CEP97: variants seen among roughly 807,000 people sequenced by gnomAD.
The protein encoded by CEP97 is centrosomal protein 97.
Under a neutral mutation model 73.1 loss-of-function variants are expected in CEP97, and 43 were observed. The observed-to-expected ratio is 0.59, with a 90% CI of 0.46 to 0.76. CEP97 has a LOEUF of 0.76. Ranked by LOEUF, CEP97 falls within the 30% of genes least tolerant of loss-of-function variation. The probability of loss-of-function intolerance (pLI) is 0.00; values close to 1 mark genes in which losing one functional copy is unlikely to be tolerated. For missense variants in CEP97, 939 were observed against 1,014.0 expected, an observed-to-expected ratio of 0.93 and a Z score of 1.00; for synonymous variants, 337 against 370.0, an observed-to-expected ratio of 0.91 and a Z score of 1.02.
intron 3 of CEP97, 50 bp downstream of exon 3, chr3:101,727,591 C>T: frequency 1.3e-6 from 2 of 1,508,828 alleles, no homozygotes; most frequent in Non-Finnish European, 1.8e-6. Flanking sequence ...AAAAAAAATT[C>T]AAGCAATGTA....
intron 7 of CEP97, among the ~76,000 whole-genome samples, chr3:101,756,861 TC>T (rs1376803649): frequency 6.6e-6 from 1 of 152,196 alleles, no homozygotes; most frequent in Non-Finnish European, 1.5e-5. Flanking sequence ...CATAGTAGGG[TC>T]TGTCTTTGCA....
chr3:101,747,181 A>G (rs1465849403), intron 6 of CEP97, among the ~76,000 whole-genome samples: 3 of 151,768 alleles, frequency 2.0e-5, no homozygotes, highest in Non-Finnish European at 2.9e-5. Context: ...ATTACTGGGT[A>G]TATACCCAAA....
intron 6 of CEP97, among the ~76,000 whole-genome samples, chr3:101,748,146 A>T (rs1938682867): frequency 6.7e-6 from 1 of 150,348 alleles, no homozygotes; most frequent in Non-Finnish European, 1.5e-5. Flanking sequence ...AAAAAAAAAA[A>T]AAAAAAAAGA....
chr3:101,761,365 A>G (rs1014844618), intron 9 of CEP97, among the ~76,000 whole-genome samples: 3 of 152,174 alleles, frequency 2.0e-5, no homozygotes, highest in Non-Finnish European at 4.4e-5. Flanking sequence ...AGACTATGAG[A>G]ATGGGTGACT....
chr3:101,767,578 CTTTT>C lies in CEP97; in HGVS notation c.*2030_*2033del, dbSNP rs1286608319. The C allele has an allele frequency of 6.6e-6, 1 of 152,136 alleles. No individual in the cohort carries two copies. Among genetic ancestry groups the C allele is most frequent in the Non-Finnish European group, 1.5e-5 (1 of 68,004 alleles). The allele number at this position is 152,136 out of a possible 1,614,324, so 9.4% of individuals were successfully genotyped here. On this transcript the variant is annotated 3_prime_UTR_variant, in exon 11 of 11. Coordinates refer to ENST00000341893, the MANE Select transcript of CEP97 (RefSeq NM_024548.4). The stretch of plus-strand genomic sequence containing the variant: ...TCTGCTAAAATCCTCTCCCTCCTGT[CTTTT>C]TTAAGTTATGGAAAAACACAACTAA...
At chr3:101,728,032 T>G (rs1461446150) in intron 3 of CEP97, among the ~76,000 whole-genome samples, 1 of 152,148 alleles carries the variant, frequency 6.6e-6, no homozygotes, top group Non-Finnish European at 1.5e-5. Flanking sequence ...GTTCTAAACA[T>G]TTATCTGTAT....
intron 4 of CEP97, 147 bp from the exon 5 acceptor site, chr3:101,731,693 A>G (rs1938115343): frequency 1.8e-6 from 1 of 567,762 alleles, no homozygotes; most frequent in South Asian, 2.3e-5. Flanking sequence ...GGACCCTTGT[A>G]GCATTAACAG....
chr3:101,765,407 A>G lies in CEP97; in HGVS notation c.2454A>G (p.Val818=). ...QLDTLSDGAS[V]DESHGISPPL... ...ATACATTGTCTGACGGTGCTTCTGT[A>G]GATGAGAGTCATGGCATATCTCCTC... is the stretch of plus-strand genomic sequence containing the variant. The change falls in exon 11 of 11, where the codon GTA becomes GTG. Residue 818 remains valine (V), a synonymous_variant. Coordinates refer to ENST00000341893, the MANE Select transcript of CEP97 (RefSeq NM_024548.4). 1 of 1,614,208 alleles carries G rather than the reference A, an allele frequency of 6.2e-7. No homozygotes were observed. The highest frequency in any genetic ancestry group is 1.7e-4 in the Middle Eastern group (1 of 6,060).
chr3:101,727,573 T>G (rs1339034799), intron 3 of CEP97, 32 bp downstream of exon 3: 1 of 1,553,666 alleles, frequency 6.4e-7, no homozygotes, highest in Non-Finnish European at 8.7e-7. Context: ...TACAAAACTA[T>G]TCTGCGTAAA....
In CEP97 at chr3:101,764,835, T is replaced by C. The variant is rs748073071; in HGVS notation, c.1894-12T>C. 1.9e-6 allele frequency: 3 copies of C among 1,573,628 alleles called. No homozygotes were observed. On this transcript the variant is annotated splice_polypyrimidine_tract_variant and intron_variant, in intron 10 of 10. Coordinates refer to ENST00000341893, the MANE Select transcript of CEP97 (RefSeq NM_024548.4). Reference sequence around the variant, plus strand: ...TTTATTTTATAATACAACTGTATTCTCTGGTTTATAGGTAAGGTCTCTACA... The same window carrying C: ...TTTATTTTATAATACAACTGTATTCCCTGGTTTATAGGTAAGGTCTCTACA...
chr3:101,748,171 C>G (rs1304494269), intron 6 of CEP97, among the ~76,000 whole-genome samples: 1 of 137,666 alleles, frequency 7.3e-6, no homozygotes. Flanking sequence ...TATGTTAGAG[C>G]TGAATGAGTC....
rs548896251 is a variant in CEP97, at chr3:101,748,853, G to A, written c.729-6577G>A. ...GACGGGGTTTCACCGTGTTAGCCAG[G>A]ATGGTCTCAATCTCCTGACCTCATG... is the stretch of plus-strand genomic sequence containing the variant. On this transcript the variant is annotated intron_variant, in intron 6 of 10. Transcript: ENST00000341893. Among the ~76,000 whole-genome samples the A allele has an allele frequency of 5.3e-5, 8 of 152,186 alleles. No individual in the cohort carries two copies. The South Asian group carries it at 1.7e-3, about 32-fold the overall frequency.
At chr3:101,764,344 G>C (rs572752249) in intron 10 of CEP97, among the ~76,000 whole-genome samples, 3 of 152,240 alleles carry the variant, frequency 2.0e-5, no homozygotes, top group South Asian at 4.1e-4. Context: ...GGACACGGTG[G>C]CTCACGCCTG....
intron 6 of CEP97, among the ~76,000 whole-genome samples, chr3:101,753,571 C>T (rs979145394): frequency 1.1e-4 from 16 of 152,348 alleles, no homozygotes; most frequent in African/African-American, 3.1e-4. Context: ...TTCGGGCTTC[C>T]GGCTGCTTTG....
rs770867782 is a variant in CEP97, at chr3:101,757,691, T to C, written c.1085T>C (p.Phe362Ser). ...VGINSNDDQL[F>S]AVKNNFPASV... ...ATAAACAGTAATGATGATCAGTTATTTGCGGTTAAGAATAATTTTCCAGCC... is the reference window on the plus strand; with the variant it reads ...ATAAACAGTAATGATGATCAGTTATCTGCGGTTAAGAATAATTTTCCAGCC... Residue 362 changes from phenylalanine (F) to serine (S), a missense_variant, in exon 9 of 11, where the codon TTT becomes TCT. Coordinates refer to ENST00000341893, the MANE Select transcript of CEP97 (RefSeq NM_024548.4). 6.2e-7 allele frequency: 1 copy of C among 1,614,206 alleles called. No homozygotes were observed. The highest frequency in any genetic ancestry group is 8.5e-7 in the Non-Finnish European group (1 of 1,180,038).
intron 9 of CEP97, among the ~76,000 whole-genome samples, chr3:101,759,948 G>A (rs1314281792): frequency 4.3e-5 from 6 of 138,676 alleles, no homozygotes; most frequent in Non-Finnish European, 9.1e-5. Context: ...ATTCTCTTTT[G>A]TAGATGAGAG....
chr3:101,739,674 G>A (rs909511669), intron 6 of CEP97, among the ~76,000 whole-genome samples: 6 of 152,130 alleles, frequency 3.9e-5, no homozygotes, highest in African/African-American at 7.2e-5. Flanking sequence ...TTGGGAGGCC[G>A]AGGTGGGTGG....
chr3:101,749,227 G>A (rs1488529475), intron 6 of CEP97, among the ~76,000 whole-genome samples: 1 of 148,930 alleles, frequency 6.7e-6, no homozygotes, highest in Non-Finnish European at 1.5e-5. Flanking sequence ...TCCCACCTAT[G>A]AGTGAGAACA....
chr3:101,752,127 G>T (rs928379417), intron 6 of CEP97, among the ~76,000 whole-genome samples: 1 of 152,066 alleles, frequency 6.6e-6, no homozygotes. Flanking sequence ...GTCTGTAAAG[G>T]ATTTTATTTC....
Sources: allele counts gnomAD v4.1 joint callset (sites outside exome capture counted in the v4.1 genomes callset), GRCh38; gene constraint gnomAD v4.1.1; transcripts MANE v1.5; gene names NCBI Gene and HGNC (gene_info 2026-07-23, HGNC 2026-07-21).